The following VPS33B variants were observed in gnomAD, a reference collection of about 807,000 sequenced individuals.
The protein encoded by VPS33B is VPS33B late endosome and lysosome associated.
In VPS33B, 80 loss-of-function variants were observed where a neutral mutation model predicts 95.3. That is an observed-to-expected ratio of 0.84 (90% CI 0.70 to 1.01). The LOEUF (loss-of-function observed/expected upper bound fraction) is 1.01, where lower values mean the gene tolerates loss of function less well. VPS33B is among the 50% of genes least tolerant of loss of function. The probability of loss-of-function intolerance (pLI) is 0.00; values close to 1 mark genes in which losing one functional copy is unlikely to be tolerated. For synonymous variants in VPS33B, 280 were observed against 280.4 expected, an observed-to-expected ratio of 1.00 and a Z score of 0.01; for missense variants, 715 against 773.4, an observed-to-expected ratio of 0.92 and a Z score of 0.90.
In VPS33B at chr15:91,007,652, T is replaced by A; in HGVS notation, c.499-79A>T. ...GGAAAGTGGCTAGCCCTAGAAGCCC[T>A]GGAGCAGGGTGGCAGGGCCTGGGGG... On this transcript the variant is annotated intron_variant, in intron 7 of 22. Coordinates refer to ENST00000333371, the MANE Select transcript of VPS33B (RefSeq NM_018668.5). This position sits in a 1 kb window ranked among gnomAD's most constrained non-coding sequence, Gnocchi z 5.3. 18 of 1,483,510 alleles carry A rather than the reference T, an allele frequency of 1.2e-5. No homozygotes were observed. Among genetic ancestry groups the A allele is most frequent in the Non-Finnish European group, 1.7e-5 (18 of 1,062,928 alleles). 91.9% of individuals were successfully genotyped at this position (1,483,510 alleles called of 1,614,324 possible).
At chr15:91,017,063 G>A (rs759860566) in intron 2 of VPS33B, 39 bp from the exon 3 acceptor site, 2 of 1,597,990 alleles carry the variant, frequency 1.3e-6, no homozygotes, top group Non-Finnish European at 1.7e-6. Flanking sequence ...ACATAAGAGT[G>A]CCTGAAAAGC....
chr15:91,003,147 A>G lies in VPS33B; in HGVS notation c.1226-16T>C. 1 of 1,614,146 alleles carries G rather than the reference A, an allele frequency of 6.2e-7. No individual in the cohort carries two copies. The highest frequency in any genetic ancestry group is 8.5e-7 in the Non-Finnish European group (1 of 1,179,988). On this transcript the variant is annotated splice_polypyrimidine_tract_variant and intron_variant, in intron 16 of 22. Coordinates refer to ENST00000333371, the MANE Select transcript of VPS33B (RefSeq NM_018668.5). ...GGGATCAAACCTAAGAGTGAAGAAA[A>G]TAAGACAGGTGCATGAGAAAGAGGC... is the stretch of plus-strand genomic sequence containing the variant.
chr15:91,016,011 G>A (rs2040913442), intron 3 of VPS33B, among the ~76,000 whole-genome samples: 1 of 152,084 alleles, frequency 6.6e-6, no homozygotes, highest in East Asian at 1.9e-4. Context: ...AGCTGTACAT[G>A]ACTACATGCC....
Position 91,005,491 on chromosome 15 carries a change from T to C in VPS33B, c.1031-37A>G. On this transcript the variant is annotated intron_variant, in intron 13 of 22. Transcript: ENST00000333371. The surrounding 1 kb of genome is among the most constrained non-coding windows in gnomAD (Gnocchi z 6.4). The stretch of plus-strand genomic sequence containing the variant: ...ACAAAGGGAGCTGACATACTCCTGG[T>C]TCTAGAAAGATGTCCCTTTATTGTC... The C allele has an allele frequency of 6.2e-7, 1 of 1,613,208 alleles. No homozygotes were observed. Among genetic ancestry groups the C allele is most frequent in the Non-Finnish European group, 8.5e-7 (1 of 1,179,344 alleles).
chr15:90,999,347 T>C lies in VPS33B; in HGVS notation c.1775-293A>G, dbSNP rs1171121188. ...TTTTTTTTTCTCTTGAGATGGAGTT[T>C]TGCTATTGTTGCCCAGGCTGGAGTG... On this transcript the variant is annotated intron_variant, in intron 22 of 22. Transcript: ENST00000333371. This position sits in a 1 kb window ranked among gnomAD's most constrained non-coding sequence, Gnocchi z 5.1. The C allele has an allele frequency of 1.9e-6, 1 of 524,174 alleles. No homozygotes were observed. The highest frequency in any genetic ancestry group is 3.4e-6 in the Non-Finnish European group (1 of 290,914). The allele number at this position is 524,174 out of a possible 1,614,324, so 32.5% of individuals were successfully genotyped here. A position where few individuals can be genotyped will look rare whatever the true frequency, so the allele number is the denominator to read the frequency against.
At position 91,000,600 on chromosome 15, in the gene VPS33B, C is replaced by T. The variant is rs1437029377; in HGVS notation, c.1480-9G>A. Reference sequence around the variant, plus strand: ...CCGTCCACACGTGGGATCTGTAAGACAAAGGGACTTCATTAGGCAAGTGAC... The same window carrying T: ...CCGTCCACACGTGGGATCTGTAAGATAAAGGGACTTCATTAGGCAAGTGAC... On this transcript the variant is annotated splice_polypyrimidine_tract_variant and intron_variant, in intron 19 of 22. Transcript: ENST00000333371. The surrounding 1 kb of genome is among the most constrained non-coding windows in gnomAD (Gnocchi z 4.9). 1 of 1,611,112 alleles carries T rather than the reference C, an allele frequency of 6.2e-7. No individual in the cohort carries two copies. Among genetic ancestry groups the T allele is most frequent in the Non-Finnish European group, 8.5e-7 (1 of 1,178,206 alleles).
In VPS33B at chr15:91,005,613, TC is replaced by T. The variant is rs2040579424; in HGVS notation, c.1030+80del. 1 of 1,586,836 alleles carries T rather than the reference TC, an allele frequency of 6.3e-7. No individual in the cohort carries two copies. Among genetic ancestry groups the T allele is most frequent in the African/African-American group, 1.3e-5 (1 of 74,478 alleles). ...ATGCATCAGATGAACAGGGATCTCC[TC>T]CTCGGGAGTAATGGTCCTCTGGAGC... On this transcript the variant is annotated intron_variant, in intron 13 of 22. Transcript: ENST00000333371. The surrounding 1 kb of genome is among the most constrained non-coding windows in gnomAD (Gnocchi z 6.4).
Position 91,000,608 on chromosome 15 carries a change from C to G in VPS33B, c.1480-17G>C, listed in dbSNP as rs2040410317. 2 of 1,608,824 alleles carry G rather than the reference C, an allele frequency of 1.2e-6. No individual in the cohort carries two copies. Among genetic ancestry groups the G allele is most frequent in the South Asian group, 2.2e-5 (2 of 90,948 alleles). On this transcript the variant is annotated splice_polypyrimidine_tract_variant and intron_variant, in intron 19 of 22. Transcript: ENST00000333371. This position sits in a 1 kb window ranked among gnomAD's most constrained non-coding sequence, Gnocchi z 4.9. The stretch of plus-strand genomic sequence containing the variant: ...ACGTGGGATCTGTAAGACAAAGGGA[C>G]TTCATTAGGCAAGTGACAGCTCAGC...
Position 91,000,460 on chromosome 15 carries a change from T to C in VPS33B, c.1581+30A>G, listed in dbSNP as rs767576480. The C allele has an allele frequency of 1.3e-6, 2 of 1,589,070 alleles. No homozygotes were observed. Among genetic ancestry groups the C allele is most frequent in the Admixed American group, 3.4e-5 (2 of 59,576 alleles). On this transcript the variant is annotated intron_variant, in intron 20 of 22. Coordinates refer to ENST00000333371, the MANE Select transcript of VPS33B (RefSeq NM_018668.5). The surrounding 1 kb of genome is among the most constrained non-coding windows in gnomAD (Gnocchi z 4.9). ...AAGAGAAAGCAGAGAGAATGAAATATGAATGGGAGCAAGAATTACATGCTC... is the reference window on the plus strand; with the variant it reads ...AAGAGAAAGCAGAGAGAATGAAATACGAATGGGAGCAAGAATTACATGCTC...
chr15:91,004,975 A>G, intron 15 of VPS33B, 44 bp from the exon 16 acceptor site: 1 of 1,614,072 alleles, frequency 6.2e-7, no homozygotes, highest in East Asian at 2.2e-5. Flanking sequence ...GCTTCACAAC[A>G]CGTGTTCTTT....
rs1567226162 is a variant in VPS33B, at chr15:91,011,988, C to T, written c.357+1816G>A. Among the ~76,000 whole-genome samples, 1 of 135,788 alleles carries T rather than the reference C, an allele frequency of 7.4e-6. No individual in the cohort carries two copies. The highest frequency in any genetic ancestry group is 3.1e-5 in the African/African-American group (1 of 32,432). The allele number at this position is 135,788 out of a possible 152,430, so 89.1% of individuals were successfully genotyped here. A position where few individuals can be genotyped will look rare whatever the true frequency, so the allele number is the denominator to read the frequency against. Reference sequence around the variant, plus strand: ...TGGGTGACAGAGCAATGCACTGTCTCCAAAAACAAAACAAAACAAAACAAA... The same window carrying T: ...TGGGTGACAGAGCAATGCACTGTCTTCAAAAACAAAACAAAACAAAACAAA... On this transcript the variant is annotated intron_variant, in intron 5 of 22. Coordinates refer to ENST00000333371, the MANE Select transcript of VPS33B (RefSeq NM_018668.5). The surrounding 1 kb of genome is among the most constrained non-coding windows in gnomAD (Gnocchi z 5.5).
Position 90,999,623 on chromosome 15 carries a change from C to A in VPS33B, c.1774+54G>T. 6.3e-7 allele frequency: 1 copy of A among 1,592,158 alleles called. No homozygotes were observed. Among genetic ancestry groups the A allele is most frequent in the South Asian group, 1.1e-5 (1 of 90,540 alleles). ...TATGAACCACCGTGCCCAGCTGACA[C>A]TTTGTTACCCAGATACAATGCAGGC... On this transcript the variant is annotated intron_variant, in intron 22 of 22. Transcript: ENST00000333371. The surrounding 1 kb of genome is among the most constrained non-coding windows in gnomAD (Gnocchi z 5.1).
At position 91,000,012 on chromosome 15, in the gene VPS33B, C is replaced by CA. The variant is rs1567217918; in HGVS notation, c.1582-38dup. 3.1e-6 allele frequency: 5 copies of CA among 1,612,538 alleles called. No individual in the cohort carries two copies. The highest frequency in any genetic ancestry group is 4.2e-6 in the Non-Finnish European group (5 of 1,178,980). ...TAAGCACTGTTTTTAAGGCTACAGA[C>CA]AGTATCAGGCTTAGGAAAGGAAGGG... On this transcript the variant is annotated intron_variant, in intron 20 of 22. Coordinates refer to ENST00000333371, the MANE Select transcript of VPS33B (RefSeq NM_018668.5). The surrounding 1 kb of genome is among the most constrained non-coding windows in gnomAD (Gnocchi z 4.9).
At chr15:91,003,410 G>T (rs2040500169) in intron 16 of VPS33B, among the ~76,000 whole-genome samples, 1 of 152,154 alleles carries the variant, frequency 6.6e-6, no homozygotes, top group African/African-American at 2.4e-5. Context: ...GGATGCAGCA[G>T]GAGGGAGGAG....
chr15:91,016,907 T>C, intron 3 of VPS33B, 56 bp downstream of exon 3: 1 of 1,554,690 alleles, frequency 6.4e-7, no homozygotes, highest in Non-Finnish European at 8.9e-7. Flanking sequence ...AAGGCAGACG[T>C]GCCCCTAGGG....
intron 2 of VPS33B, 72 bp from the exon 3 acceptor site, chr15:91,017,096 G>A: frequency 6.9e-7 from 1 of 1,441,836 alleles, no homozygotes; most frequent in Non-Finnish European, 9.8e-7. Context: ...ACGAAGATAG[G>A]GGACTTCTTG....
rs2151689104 is a variant in VPS33B, at chr15:91,022,297, A to T, written c.-48T>A. 6.6e-7 allele frequency: 1 copy of T among 1,507,596 alleles called. No individual in the cohort carries two copies. The highest frequency in any genetic ancestry group is 2.3e-4 in the Middle Eastern group (1 of 4,312). 93.4% of individuals were successfully genotyped at this position (1,507,596 alleles called of 1,614,324 possible). A position where few individuals can be genotyped will look rare whatever the true frequency, so the allele number is the denominator to read the frequency against. ...GGGTGGAAGGACGCCCTTCGTTCTG[A>T]GAAGGCCGGCCGCAGCCCAGGGAAG... On this transcript the variant is annotated 5_prime_UTR_variant, in exon 1 of 23. Coordinates refer to ENST00000333371, the MANE Select transcript of VPS33B (RefSeq NM_018668.5).
Position 90,998,835 on chromosome 15 carries a change from T to C in VPS33B, c.*140A>G. The C allele has an allele frequency of 1.1e-6, 1 of 876,940 alleles. No homozygotes were observed. The highest frequency in any genetic ancestry group is 1.9e-6 in the Non-Finnish European group (1 of 531,246). 54.3% of individuals were successfully genotyped at this position (876,940 alleles called of 1,614,324 possible). A position where few individuals can be genotyped will look rare whatever the true frequency, so the allele number is the denominator to read the frequency against. On this transcript the variant is annotated 3_prime_UTR_variant, in exon 23 of 23. Coordinates refer to ENST00000333371, the MANE Select transcript of VPS33B (RefSeq NM_018668.5). The surrounding 1 kb of genome is among the most constrained non-coding windows in gnomAD (Gnocchi z 4.8). ...TGAACTCTTTTCTCAGATAATGTTC[T>C]CTAAATCCCAACACGTTCCATGCTC...
Position 91,017,006 on chromosome 15 carries a change from G to A in VPS33B, c.196C>T (p.Leu66=). 1 of 1,613,984 alleles carries A rather than the reference G, an allele frequency of 6.2e-7. No individual in the cohort carries two copies. The highest frequency in any genetic ancestry group is 8.5e-7 in the Non-Finnish European group (1 of 1,179,982). ...SILKQHEVDK[L]YKVENKPALS... ...GCTGGCTTGTTCTCCACCTTGTATA[G>A]CTTGTCTACTTCGTGTTGCTACAGA... Residue 66 remains leucine (L), a synonymous_variant, in exon 3 of 23, where the codon CTA becomes TTA. Coordinates refer to ENST00000333371, the MANE Select transcript of VPS33B (RefSeq NM_018668.5).
Sources: gnomAD v4.1 joint callset for allele counts (sites outside exome capture counted in the v4.1 genomes callset) on GRCh38, gnomAD v4.1.1 for gene constraint, Gnocchi (gnomAD v3.1) non-coding constraint, MANE v1.5 for transcripts, NCBI Gene and HGNC (gene_info 2026-07-23, HGNC 2026-07-21) for gene names.